Variants in TRDN observed in about 807,000 individuals in gnomAD.
TRDN encodes triadin in skeletal muscle.
Under a neutral mutation model 149.7 loss-of-function variants are expected in TRDN, and 161 were observed. That is an observed-to-expected ratio of 1.08 (90% CI 0.95 to 1.23). TRDN has a LOEUF of 1.23. TRDN is among the 50% of genes most tolerant of loss of function. The pLI is 0.00. For missense variants in TRDN, 896 were observed against 823.5 expected (o/e 1.09, Z -1.08); for synonymous variants, 294 against 250.5 (o/e 1.17, Z -1.64).
chr6:123,356,596 T>C (rs2114318168), intron 20 of TRDN, among the ~76,000 whole-genome samples: 1 of 145,920 alleles, frequency 6.9e-6, no homozygotes, highest in South Asian at 2.1e-4. Flanking sequence ...TCTAACCCCA[T>C]ATAATGAGAG....
chr6:123,393,536 T>C (rs1772595961), intron 13 of TRDN, 88 bp downstream of exon 13: 2 of 1,208,846 alleles, frequency 1.7e-6, no homozygotes, highest in Admixed American at 5.0e-5. Flanking sequence ...ATGGTGCTAT[T>C]CTGCAATAAA....
At chr6:123,448,220 G>A (rs907293561) in intron 10 of TRDN, among the ~76,000 whole-genome samples, 1 of 152,152 alleles carries the variant, frequency 6.6e-6, no homozygotes, top group Admixed American at 6.5e-5. Flanking sequence ...AATTTGAATG[G>A]GGTGAGAAGC....
In TRDN at chr6:123,292,784, C is replaced by A. The variant is rs1476998937; in HGVS notation, c.1511-13702G>T. Among the ~76,000 whole-genome samples, 2 of 152,130 alleles carry A rather than the reference C, an allele frequency of 1.3e-5. 1 individual carries two copies. The highest frequency in any genetic ancestry group is 3.9e-4 in the East Asian group (2 of 5,178). On this transcript the variant is annotated intron_variant, in intron 24 of 40. Coordinates refer to ENST00000334268, the MANE Select transcript of TRDN (RefSeq NM_006073.4). Reference sequence around the variant, plus strand: ...GGACACCAACACCTACATCTGTGAACCTTTGGGGGACCTCTGCTATTTAAA... The same window carrying A: ...GGACACCAACACCTACATCTGTGAAACTTTGGGGGACCTCTGCTATTTAAA...
At chr6:123,633,125 T>G (rs760293716) in intron 1 of TRDN, among the ~76,000 whole-genome samples, 1 of 152,090 alleles carries the variant, frequency 6.6e-6, no homozygotes, top group Non-Finnish European at 1.5e-5. Context: ...CTTCTAACAT[T>G]TTAAATAAAA....
intron 6 of TRDN, among the ~76,000 whole-genome samples, chr6:123,513,651 G>T (rs780623021): frequency 7.9e-5 from 12 of 151,928 alleles, no homozygotes; most frequent in Non-Finnish European, 1.5e-4. Flanking sequence ...AAGAAAATAA[G>T]ATAAGAAAAT....
At chr6:123,382,278 G>T in intron 14 of TRDN, 131 bp from the exon 15 acceptor site, 1 of 562,880 alleles carries the variant, frequency 1.8e-6, no homozygotes, top group Non-Finnish European at 2.9e-6. Context: ...TATATTTCTA[G>T]AATATGAGAC....
At chr6:123,405,196 C>T (rs777709534) in intron 12 of TRDN, among the ~76,000 whole-genome samples, 2 of 152,242 alleles carry the variant, frequency 1.3e-5, no homozygotes, top group South Asian at 4.1e-4. Flanking sequence ...GCACAAATAC[C>T]ATATTGAGTC....
chr6:123,455,489 A>G (rs2114672112), intron 10 of TRDN, among the ~76,000 whole-genome samples: 1 of 151,998 alleles, frequency 6.6e-6, no homozygotes, highest in East Asian at 1.9e-4. Context: ...GCGAGACGGG[A>G]GAAGGAAAAG....
At chr6:123,540,561 C>G (rs1300647687) in intron 4 of TRDN, among the ~76,000 whole-genome samples, 10 of 152,198 alleles carry the variant, frequency 6.6e-5, no homozygotes. Context: ...GCTCTGTCAC[C>G]CAGACTGGAG....
chr6:123,299,093 C>T (rs928044837), intron 24 of TRDN, among the ~76,000 whole-genome samples: 2 of 151,960 alleles, frequency 1.3e-5, no homozygotes, highest in Non-Finnish European at 2.9e-5. Context: ...ATTTATTAAA[C>T]TCTGTCATCC....
chr6:123,389,237 T>G (rs1169175818), intron 13 of TRDN, among the ~76,000 whole-genome samples: 1 of 152,144 alleles, frequency 6.6e-6, no homozygotes, highest in African/African-American at 2.4e-5. Flanking sequence ...TCAACAGGCT[T>G]AGAATTGCTC....
intron 24 of TRDN, among the ~76,000 whole-genome samples, chr6:123,294,354 A>T (rs938776757): frequency 3.9e-5 from 6 of 152,114 alleles, no homozygotes; most frequent in African/African-American, 1.4e-4. Context: ...CTTGTTACTA[A>T]TATTGGCCCT....
At chr6:123,414,846 A>G (rs1299761105) in intron 12 of TRDN, among the ~76,000 whole-genome samples, 1 of 152,162 alleles carries the variant, frequency 6.6e-6, no homozygotes, top group Non-Finnish European at 1.5e-5. Flanking sequence ...CTAGGTAAAA[A>G]TGTAATGATA....
At chr6:123,296,990 GT>G (rs1337519068) in intron 24 of TRDN, among the ~76,000 whole-genome samples, 1 of 152,048 alleles carries the variant, frequency 6.6e-6, no homozygotes, top group Non-Finnish European at 1.5e-5. Context: ...ATTATTTATG[GT>G]GTTTTTTATT....
chr6:123,455,686 A>G (rs1776076585), intron 10 of TRDN, among the ~76,000 whole-genome samples: 1 of 152,136 alleles, frequency 6.6e-6, no homozygotes, highest in Non-Finnish European at 1.5e-5. Flanking sequence ...ATTCCTAAAA[A>G]ACTCTTTTAA....
chr6:123,633,568 T>C (rs1786126566), intron 1 of TRDN, among the ~76,000 whole-genome samples: 1 of 152,086 alleles, frequency 6.6e-6, no homozygotes, highest in African/African-American at 2.4e-5. Context: ...CTTAATACAG[T>C]GCTTGACATC....
chr6:123,265,764 A>C (rs911434913), intron 32 of TRDN, among the ~76,000 whole-genome samples: 16 of 147,692 alleles, frequency 1.1e-4, no homozygotes, highest in Admixed American at 4.8e-4. Context: ...TTAATTATTA[A>C]TATTAATTTA....
At chr6:123,516,328 T>A in intron 5 of TRDN, 122 bp from the exon 6 acceptor site, 1 of 1,194,208 alleles carries the variant, frequency 8.4e-7, no homozygotes, top group Non-Finnish European at 1.1e-6. Flanking sequence ...TTTAACTGGA[T>A]TCAGATTTTA....
At chr6:123,263,208 A>G (rs963975117) in intron 33 of TRDN, among the ~76,000 whole-genome samples, 2 of 152,074 alleles carry the variant, frequency 1.3e-5, no homozygotes, top group African/African-American at 4.8e-5. Flanking sequence ...TATTGCTGAG[A>G]CAAAGAAAGA....
Sources: allele counts gnomAD v4.1 joint callset (sites outside exome capture counted in the v4.1 genomes callset), GRCh38; gene constraint gnomAD v4.1.1; transcripts MANE v1.5; gene names NCBI Gene and HGNC (gene_info 2026-07-23, HGNC 2026-07-21).